Variants in ANKRD30B observed in about 807,000 individuals in gnomAD.
ANKRD30B encodes ankyrin repeat domain-containing protein 30B.
ANKRD30B carries 144 observed loss-of-function variants against 202.2 expected under a neutral mutation model. That is an observed-to-expected ratio of 0.71 (90% confidence interval 0.62 to 0.82). The LOEUF is 0.82. Ranked by LOEUF, ANKRD30B falls within the 40% of genes least tolerant of loss-of-function variation. The pLI, the probability that ANKRD30B is intolerant of heterozygous loss-of-function variation, is 0.00. For missense variants in ANKRD30B, 1,487 were observed against 1,669.1 expected (o/e 0.89, Z 1.90); for synonymous variants, 508 against 561.3 (o/e 0.91, Z 1.34).
downstream of ANKRD30B, among the ~76,000 whole-genome samples, chr18:14,855,621 C>T (rs2143294781): frequency 6.6e-6 from 1 of 150,976 alleles, no homozygotes; most frequent in East Asian, 2.0e-4. Flanking sequence ...TCCTCACCTA[C>T]CAGATGAAGG....
chr18:14,847,333 G>A (rs1476247110), intron 39 of ANKRD30B, among the ~76,000 whole-genome samples: 1 of 151,000 alleles, frequency 6.6e-6, no homozygotes, highest in Non-Finnish European at 1.5e-5. Flanking sequence ...TTCACTTCCA[G>A]CCAGATACCA....
rs559481463 is a variant in ANKRD30B, at chr18:14,790,809, T to C, written c.1735-592T>C. 2.6e-3 allele frequency among the ~76,000 whole-genome samples: 389 copies of C among 152,150 alleles called. 4 individuals are homozygous for C. Among genetic ancestry groups the C allele is most frequent in the African/African-American group, 8.9e-3 (370 of 41,490 alleles). On this transcript the variant is annotated intron_variant, in intron 15 of 43. Coordinates refer to ENST00000690538, the MANE Select transcript of ANKRD30B (RefSeq NM_001367607.2). ...CGGTTTGCCAGTATTTTATTGAGGA[T>C]TTTTGCATCAATGTTCATCAGGGAT...
intron 33 of ANKRD30B, among the ~76,000 whole-genome samples, chr18:14,829,172 C>A (rs192286825): frequency 6.6e-6 from 1 of 151,990 alleles, no homozygotes; most frequent in African/African-American, 2.4e-5. Context: ...TTTTCTATAG[C>A]TAAAATTAAA....
chr18:14,772,270 A>G lies in ANKRD30B; in HGVS notation c.1329+42A>G, dbSNP rs73959403. On this transcript the variant is annotated intron_variant, in intron 9 of 43. Transcript: ENST00000690538. ...TGAAGTTGATTTTCTCAGTTGCAAT[A>G]TATTTCTGTATAGTATTTCTTAGCA... is the stretch of plus-strand genomic sequence containing the variant. The G allele has an allele frequency of 7.6e-5, 96 of 1,259,484 alleles. No homozygotes were observed. The African/African-American group carries it at 1.3e-3, about 17-fold the overall frequency. 78.0% of individuals were successfully genotyped at this position (1,259,484 alleles called of 1,614,324 possible).
chr18:14,748,755 G>A lies in ANKRD30B; in HGVS notation c.221+115G>A, dbSNP rs1305031613. 3.5e-6 allele frequency: 4 copies of A among 1,134,002 alleles called. No individual in the cohort carries two copies. In the South Asian group the frequency reaches 4.9e-5, roughly 14 times the overall value. 70.2% of individuals were successfully genotyped at this position (1,134,002 alleles called of 1,614,324 possible). ...GACGAGGGGAGCAGGTGGAGGAGTG[G>A]CGGGCGATGGGGCGGCCGTCCTGGG... On this transcript the variant is annotated intron_variant, in intron 1 of 43. Coordinates refer to ENST00000690538, the MANE Select transcript of ANKRD30B (RefSeq NM_001367607.2).
chr18:14,842,131 T>C (rs1971443686), intron 37 of ANKRD30B, among the ~76,000 whole-genome samples: 2 of 152,262 alleles, frequency 1.3e-5, no homozygotes, highest in South Asian at 4.1e-4. Flanking sequence ...GATTTAAAAA[T>C]ATAAAATGTT....
At chr18:14,908,388 T>G in the ANKRD30B span, among the ~76,000 whole-genome samples, 128 of 152,240 alleles carry the variant, frequency 8.4e-4, no homozygotes, top group African/African-American at 3.1e-3. Flanking sequence ...CTGCAGGCCC[T>G]CTCATCAGCC....
At chr18:14,750,143 A>C (rs1351601725) in intron 1 of ANKRD30B, among the ~76,000 whole-genome samples, 2 of 152,158 alleles carry the variant, frequency 1.3e-5, no homozygotes, top group Non-Finnish European at 2.9e-5. Context: ...AATAAAAGGC[A>C]GCATACTTGT....
chr18:14,871,189 A>T, the ANKRD30B span, among the ~76,000 whole-genome samples: 1 of 89,826 alleles, frequency 1.1e-5, no homozygotes, highest in Non-Finnish European at 2.2e-5. Context: ...TCACCCGCAC[A>T]CCCTCACCTG....
rs1028230288 is a variant in ANKRD30B, at chr18:14,810,964, C to G, written c.2488+784C>G. On this transcript the variant is annotated intron_variant, in intron 28 of 43. Transcript: ENST00000690538. Reference sequence around the variant, plus strand: ...CCCCATCGCTACTAAAAATAACAAACAATAGCCGGTTGTGGTGGTGGGTGC... The same window carrying G: ...CCCCATCGCTACTAAAAATAACAAAGAATAGCCGGTTGTGGTGGTGGGTGC... Among the ~76,000 whole-genome samples the G allele has an allele frequency of 1.3e-4, 19 of 150,918 alleles. 1 individual carries two copies. The highest frequency in any genetic ancestry group is 4.7e-4 in the African/African-American group (19 of 40,848).
At chr18:14,927,940 C>T in the ANKRD30B span, among the ~76,000 whole-genome samples, 1 of 152,018 alleles carries the variant, frequency 6.6e-6, no homozygotes, top group South Asian at 2.1e-4. Flanking sequence ...TAGGAATGAA[C>T]AACTGGGTGA....
At chr18:14,831,609 T>C (rs1970943799) in intron 34 of ANKRD30B, among the ~76,000 whole-genome samples, 154 bp downstream of exon 34, 1 of 152,152 alleles carries the variant, frequency 6.6e-6, no homozygotes, top group Admixed American at 6.5e-5. Flanking sequence ...ATATGAGTAG[T>C]TGATTTAAAC....
At chr18:14,925,634 C>G in the ANKRD30B span, among the ~76,000 whole-genome samples, 4 of 152,216 alleles carry the variant, frequency 2.6e-5, no homozygotes, top group Non-Finnish European at 4.4e-5. Flanking sequence ...TGTATTCGGC[C>G]CTGGCCTGGC....
Position 14,769,393 on chromosome 18 carries a change from TA to T in ANKRD30B, c.1256+24del. 9 of 1,540,018 alleles carry T rather than the reference TA, an allele frequency of 5.8e-6. No individual in the cohort carries two copies. Among genetic ancestry groups the T allele is most frequent in the Non-Finnish European group, 6.1e-6 (7 of 1,139,410 alleles). ...ATTCAGGTAAGACTTTGCGGTTTTT[TA>T]AAACGAATAGGTTAACTCAGAAAAC... On this transcript the variant is annotated intron_variant, in intron 8 of 43. Transcript: ENST00000690538.
the ANKRD30B span, among the ~76,000 whole-genome samples, chr18:14,913,804 G>A: frequency 6.6e-6 from 1 of 152,144 alleles, no homozygotes; most frequent in African/African-American, 2.4e-5. Flanking sequence ...TTCCCATGTG[G>A]TTTACTCTCC....
chr18:14,823,541 CTT>C (rs1054568153), intron 32 of ANKRD30B, among the ~76,000 whole-genome samples: 2 of 151,854 alleles, frequency 1.3e-5, no homozygotes, highest in Admixed American at 6.6e-5. Flanking sequence ...CTTGATGACT[CTT>C]TGCTAGACAC....
In ANKRD30B at chr18:14,784,344, G is replaced by A; in HGVS notation, c.1579G>A (p.Glu527Lys). ...TCTCTTTTGCATTTTAGAGCTTCCTGAGAAGCCATCTGCCTTCAAGGTATT... is the reference window on the plus strand; with the variant it reads ...TCTCTTTTGCATTTTAGAGCTTCCTAAGAAGCCATCTGCCTTCAAGGTATT... ...EINREVEELPEKPSAFKPAVE... is the reference protein window; with the variant it reads ...EINREVEELPKKPSAFKPAVE... Residue 527 changes from glutamate to lysine, a missense_variant, in exon 13 of 44, where the codon GAG becomes AAG. By Grantham distance (56) the Glu-to-Lys change is moderately conservative. Transcript: ENST00000690538. The A allele has an allele frequency of 6.2e-7, 1 of 1,612,468 alleles. No homozygotes were observed. The highest frequency in any genetic ancestry group is 8.5e-7 in the Non-Finnish European group (1 of 1,179,096).
chr18:14,855,883 T>C (rs1401729219), downstream of ANKRD30B, among the ~76,000 whole-genome samples: 6 of 122,340 alleles, frequency 4.9e-5, no homozygotes, highest in South Asian at 2.9e-4. Context: ...TGCTCCCCAC[T>C]TCCCAGACGG....
chr18:14,842,805 G>A (rs1393177544), intron 37 of ANKRD30B, 92 bp from the exon 38 acceptor site: 4 of 1,272,902 alleles, frequency 3.1e-6, no homozygotes, highest in Non-Finnish European at 4.4e-6. Context: ...TCAAAGCTGA[G>A]AAAAAGGACT....
Sources: allele counts gnomAD v4.1 joint callset (sites outside exome capture counted in the v4.1 genomes callset), GRCh38; gene constraint gnomAD v4.1.1; transcripts MANE v1.5; gene names NCBI Gene and HGNC (gene_info 2026-07-23, HGNC 2026-07-21).